The following NUBPL variants were observed in gnomAD, a reference collection of about 807,000 sequenced individuals.
The protein encoded by NUBPL is iron-sulfur cluster transfer protein NUBPL.
NUBPL carries 31 observed loss-of-function variants against 45.7 expected under a neutral mutation model. The ratio of observed to expected loss-of-function variants is 0.68; its 90% CI spans 0.51 to 0.92. The LOEUF is 0.92. Among genes scored for constraint, NUBPL ranks in the 40% least tolerant of loss-of-function variants. The pLI is 0.00. For missense variants in NUBPL, 401 were observed against 398.7 expected, an observed-to-expected ratio of 1.01 and a Z score of -0.05; for synonymous variants, 144 against 140.9, an observed-to-expected ratio of 1.02 and a Z score of -0.15.
chr14:31,787,424 A>T (rs1020613357), intron 6 of NUBPL, among the ~76,000 whole-genome samples: 2 of 152,202 alleles, frequency 1.3e-5, no homozygotes, highest in Admixed American at 1.3e-4. Flanking sequence ...GCAAAATTTA[A>T]AAAAAGGTGA....
chr14:31,579,477 T>C (rs190694617), intron 3 of NUBPL, among the ~76,000 whole-genome samples: 6 of 152,314 alleles, frequency 3.9e-5, no homozygotes, highest in Admixed American at 3.3e-4. Flanking sequence ...GCCCCCAAGC[T>C]GATATATGCA....
At chr14:31,813,163 A>G (rs2039845676) in intron 7 of NUBPL, among the ~76,000 whole-genome samples, 1 of 151,438 alleles carries the variant, frequency 6.6e-6, no homozygotes, top group Non-Finnish European at 1.5e-5. Context: ...ATTTTTTTGT[A>G]TTTTTAGCAG....
At chr14:31,767,707 G>GT (rs57664366) in intron 6 of NUBPL, among the ~76,000 whole-genome samples, 24,095 of 151,000 alleles carry the variant, frequency 0.16, 5,450 homozygotes, top group African/African-American at 0.51. Context: ...TTTGTTTTGT[G>GT]TTTTTTTTTG....
chr14:31,848,868 GA>G (rs1237188435), intron 9 of NUBPL, among the ~76,000 whole-genome samples: 1 of 152,124 alleles, frequency 6.6e-6, no homozygotes, highest in African/African-American at 2.4e-5. Context: ...CAGTAGAAAA[GA>G]AATCCTTCAT....
At chr14:31,844,093 G>C in intron 8 of NUBPL, 1 of 152,166 alleles carries the variant, frequency 6.6e-6, no homozygotes, top group East Asian at 1.9e-4. Context: ...ACATGTCTGA[G>C]ATATTTATAC....
chr14:31,826,856 T>A, intron 8 of NUBPL, 142 bp downstream of exon 8: 1 of 695,540 alleles, frequency 1.4e-6, no homozygotes, highest in Non-Finnish European at 2.5e-6. Flanking sequence ...TTGGTGACTT[T>A]AAAAACACAC....
chr14:31,748,228 A>T lies in NUBPL; in HGVS notation c.514-39552A>T, dbSNP rs564696674. 2.6e-4 allele frequency among the ~76,000 whole-genome samples: 39 copies of T among 152,342 alleles called. No homozygotes were observed. In the South Asian group the frequency reaches 7.7e-3, roughly 30 times the overall value. ...TGTTTTGTGGCCTAACATATGGCCT[A>T]TCCTGGAGAATGGTCCATGTGCTGA... is the stretch of plus-strand genomic sequence containing the variant. On this transcript the variant is annotated intron_variant, in intron 6 of 10. Coordinates refer to ENST00000281081, the MANE Select transcript of NUBPL (RefSeq NM_025152.3).
At chr14:31,637,438 A>G (rs1375510460) in intron 4 of NUBPL, among the ~76,000 whole-genome samples, 1 of 152,176 alleles carries the variant, frequency 6.6e-6, no homozygotes, top group African/African-American at 2.4e-5. Flanking sequence ...GTTTGATTGC[A>G]CTGTGGTCTG....
chr14:31,653,177 G>A (rs1454936974), intron 4 of NUBPL, among the ~76,000 whole-genome samples: 1 of 152,198 alleles, frequency 6.6e-6, no homozygotes, highest in East Asian at 1.9e-4. Flanking sequence ...TAGAATTACT[G>A]ATGAGGTTCT....
chr14:31,816,217 T>C (rs1044331476), intron 7 of NUBPL, among the ~76,000 whole-genome samples: 1 of 152,230 alleles, frequency 6.6e-6, no homozygotes, highest in Non-Finnish European at 1.5e-5. Flanking sequence ...CAGAACTTAC[T>C]GGTCTATTCA....
chr14:31,721,436 T>C (rs532453006), intron 6 of NUBPL, among the ~76,000 whole-genome samples: 1 of 152,196 alleles, frequency 6.6e-6, no homozygotes, highest in African/African-American at 2.4e-5. Flanking sequence ...TGGCTTAGTA[T>C]ATGGCTGAAA....
chr14:31,815,131 A>G (rs981006610), intron 7 of NUBPL, among the ~76,000 whole-genome samples: 5 of 152,154 alleles, frequency 3.3e-5, no homozygotes, highest in African/African-American at 1.2e-4. Context: ...TTTGGGCAGT[A>G]TCGCCATTTT....
chr14:31,580,241 T>G (rs926711429), intron 3 of NUBPL, among the ~76,000 whole-genome samples: 1 of 152,222 alleles, frequency 6.6e-6, no homozygotes, highest in Non-Finnish European at 1.5e-5. Flanking sequence ...TTAAGGAGTT[T>G]AAGTGTATTG....
chr14:31,637,470 C>T (rs2035539950), intron 4 of NUBPL, among the ~76,000 whole-genome samples: 1 of 152,126 alleles, frequency 6.6e-6, no homozygotes, highest in Non-Finnish European at 1.5e-5. Context: ...GTTATAATTT[C>T]TGTTCTTTTA....
intron 7 of NUBPL, among the ~76,000 whole-genome samples, chr14:31,803,338 G>A (rs541565699): frequency 6.6e-6 from 1 of 152,078 alleles, no homozygotes; most frequent in East Asian, 1.9e-4. Flanking sequence ...ATTTGCTAGA[G>A]TAGTTCCTTA....
rs749998110 is a variant in NUBPL, at chr14:31,673,518, C to G, written c.457C>G (p.Pro153Ala). The G allele has an allele frequency of 1.9e-6, 3 of 1,613,726 alleles. No individual in the cohort carries two copies. In the African/African-American group the frequency reaches 4.0e-5, roughly 22 times the overall value. Reference sequence around the variant, plus strand: ...GGGCTTTCTGGTTGAAGAAAGTGAACCAGTAGTTTGGAGAGGCCTTATGGT... The same window carrying G: ...GGGCTTTCTGGTTGAAGAAAGTGAAGCAGTAGTTTGGAGAGGCCTTATGGT... ...SMGFLVEESE[P>A]VVWRGLMVMS... Residue 153 changes from proline (P) to alanine (A), a missense_variant, in exon 6 of 11, where the codon CCA becomes GCA. Pro to Ala is a conservative substitution (Grantham distance 27, BLOSUM62 -1). Coordinates refer to ENST00000281081, the MANE Select transcript of NUBPL (RefSeq NM_025152.3).
At chr14:31,817,471 G>GA (rs1437174895) in intron 7 of NUBPL, among the ~76,000 whole-genome samples, 1 of 152,154 alleles carries the variant, frequency 6.6e-6, no homozygotes, top group East Asian at 1.9e-4. Flanking sequence ...CAGACTAACA[G>GA]AAAATCTCTC....
At chr14:31,791,796 C>T (rs1288473687) in intron 7 of NUBPL, among the ~76,000 whole-genome samples, 1 of 152,108 alleles carries the variant, frequency 6.6e-6, no homozygotes, top group Non-Finnish European at 1.5e-5. Flanking sequence ...CATTGTAGAA[C>T]ATTCAGGATT....
chr14:31,755,443 G>A (rs1021505832), intron 6 of NUBPL, among the ~76,000 whole-genome samples: 5 of 152,214 alleles, frequency 3.3e-5, no homozygotes, highest in Non-Finnish European at 7.3e-5. Flanking sequence ...TTTCTCTGAT[G>A]GCCGGTGATG....
Sources: allele counts gnomAD v4.1 joint callset (sites outside exome capture counted in the v4.1 genomes callset), GRCh38; gene constraint gnomAD v4.1.1; transcripts MANE v1.5; gene names NCBI Gene and HGNC (gene_info 2026-07-23, HGNC 2026-07-21).